The following ITGAL variants were observed in gnomAD, a reference collection of about 807,000 sequenced individuals.
ITGAL encodes integrin alpha-L.
A neutral mutation model predicts 138.4 loss-of-function variants in ITGAL; 68 were observed. That is an observed-to-expected ratio of 0.49 (90% CI 0.40 to 0.60). The LOEUF is 0.60. ITGAL is among the 20% of genes least tolerant of loss of function. The pLI is 0.00. For missense variants in ITGAL, 1,256 were observed against 1,478.6 expected, an observed-to-expected ratio of 0.85 and a Z score of 2.47; for synonymous variants, 561 against 584.3, an observed-to-expected ratio of 0.96 and a Z score of 0.57.
At chr16:30,486,473 A>C (rs945974260) in intron 9 of ITGAL, among the ~76,000 whole-genome samples, 2 of 152,066 alleles carry the variant, frequency 1.3e-5, no homozygotes, top group African/African-American at 4.8e-5. Flanking sequence ...GCCATGTCTA[A>C]ATAATTAATA....
intron 21 of ITGAL, among the ~76,000 whole-genome samples, chr16:30,509,997 C>T (rs1057277900): frequency 9.2e-5 from 14 of 151,640 alleles, no homozygotes; most frequent in Admixed American, 8.5e-4. Context: ...CGAGATCGCA[C>T]CATTGCACTC....
chr16:30,491,313 A>C (rs1476421635), intron 11 of ITGAL, among the ~76,000 whole-genome samples: 13 of 151,802 alleles, frequency 8.6e-5, no homozygotes, highest in Non-Finnish European at 1.3e-4. Flanking sequence ...AGGTAGGAGA[A>C]TCTCTTGAAC....
Position 30,499,388 on chromosome 16 carries a change from A to C in ITGAL, c.2044A>C (p.Thr682Pro). 6.2e-7 allele frequency: 1 copy of C among 1,614,024 alleles called. No homozygotes were observed. Among genetic ancestry groups the C allele is most frequent in the Non-Finnish European group, 8.5e-7 (1 of 1,180,002 alleles). ...CACTCTGCAGCTGGATGGCCACCGGACCAGAAGACGGGGGTTGTTCCCAGG... is the reference window on the plus strand; with the variant it reads ...CACTCTGCAGCTGGATGGCCACCGGCCCAGAAGACGGGGGTTGTTCCCAGG... ...TYTLQLDGHR[T>P]RRRGLFPGGR... The change falls in exon 17 of 31, where the codon ACC becomes CCC. Residue 682 changes from threonine to proline, a missense_variant. Around this residue, in one of 3 missense-constraint regions of ITGAL, gnomAD observed 867 missense variants for 972.5 expected, o/e 0.89. Transcript: ENST00000356798.
chr16:30,476,987 C>T (rs1249810328), intron 4 of ITGAL, among the ~76,000 whole-genome samples: 3 of 152,116 alleles, frequency 2.0e-5, no homozygotes, highest in Admixed American at 2.0e-4. Flanking sequence ...GATCAGTGTA[C>T]ACATTTCACA....
At chr16:30,492,921 T>A (rs2050744977) in intron 11 of ITGAL, among the ~76,000 whole-genome samples, 1 of 152,122 alleles carries the variant, frequency 6.6e-6, no homozygotes, top group African/African-American at 2.4e-5. Flanking sequence ...TCTCACTCTG[T>A]CACCCAGGCT....
chr16:30,503,513 A>AAGGAAGGAAGGACAACGG (rs2050937370), intron 17 of ITGAL, among the ~76,000 whole-genome samples: 2 of 139,982 alleles, frequency 1.4e-5, no homozygotes, highest in African/African-American at 5.2e-5. Flanking sequence ...GAAAGGAGGG[A>AAGGAAGGAAGGACAACGG]AGGAAGGAAG....
In ITGAL at chr16:30,476,456, T is replaced by C. The variant is rs183353731; in HGVS notation, c.327+876T>C. On this transcript the variant is annotated intron_variant, in intron 4 of 30. Coordinates refer to ENST00000356798, the MANE Select transcript of ITGAL (RefSeq NM_002209.3). Reference sequence around the variant, plus strand: ...TTTTCATGGTTATAAATTTAATGGCTTATTAGAAAAAAATATATGACAAGC... The same window carrying C: ...TTTTCATGGTTATAAATTTAATGGCCTATTAGAAAAAAATATATGACAAGC... Among the ~76,000 whole-genome samples the C allele has an allele frequency of 8.5e-5, 13 of 152,266 alleles. No individual in the cohort carries two copies. In the East Asian group the frequency reaches 2.5e-3, roughly 29 times the overall value.
At chr16:30,506,395 T>C (rs914553371) in intron 20 of ITGAL, among the ~76,000 whole-genome samples, 1 of 101,260 alleles carries the variant, frequency 9.9e-6, no homozygotes, top group Non-Finnish European at 2.1e-5. Context: ...CTACTTAAAA[T>C]ACAAAAAAAA....
In ITGAL at chr16:30,484,207, T is replaced by C. The variant is rs1478088542; in HGVS notation, c.950T>C (p.Phe317Ser). ...ASEFVKILDT[F>S]EKLKDLFTEL... ...GAGTTTGTGAAAATTCTGGACACAT[T>C]TGAGAAGCTGAAAGATCTATTCACT... Residue 317 changes from phenylalanine (F) to serine (S), a missense_variant, in exon 9 of 31, where the codon TTT becomes TCT. This residue lies in a region of ITGAL where 177 missense variants were observed against 288.8 expected (regional missense o/e 0.61). Transcript: ENST00000356798. The C allele has an allele frequency of 1.2e-6, 2 of 1,613,916 alleles. No homozygotes were observed. The highest frequency in any genetic ancestry group is 2.7e-5 in the African/African-American group (2 of 74,890).
chr16:30,497,748 G>C (rs1006727006), intron 15 of ITGAL, among the ~76,000 whole-genome samples: 1 of 151,446 alleles, frequency 6.6e-6, no homozygotes, highest in Non-Finnish European at 1.5e-5. Context: ...CAAAGTGCTA[G>C]GATTACAGAG....
intron 2 of ITGAL, chr16:30,474,506 G>A (rs572596633): frequency 1.1e-5 from 6 of 570,680 alleles, no homozygotes; most frequent in South Asian, 8.0e-5. Flanking sequence ...GGAGGCCATG[G>A]AAGTGCAGAA....
At chr16:30,511,239 T>A in intron 24 of ITGAL, 103 bp downstream of exon 24, 1 of 868,634 alleles carries the variant, frequency 1.2e-6, no homozygotes, top group Non-Finnish European at 2.0e-6. Context: ...ACCTCCTTCC[T>A]TTCTTAGAGC....
chr16:30,515,265 C>G (rs1394179254), intron 25 of ITGAL, among the ~76,000 whole-genome samples: 2 of 152,230 alleles, frequency 1.3e-5, no homozygotes, highest in African/African-American at 2.4e-5. Context: ...CTTCCTCCTG[C>G]TTTGTCCCAC....
intron 25 of ITGAL, among the ~76,000 whole-genome samples, chr16:30,516,158 T>C (rs1417480020): frequency 1.3e-5 from 2 of 152,192 alleles, no homozygotes; most frequent in African/African-American, 4.8e-5. Flanking sequence ...CACTTCTGTG[T>C]CACTTTCTTA....
chr16:30,494,985 T>A lies in ITGAL; in HGVS notation c.1503+135T>A. ...AGAACGACAGAGAGGCAATAGCAAA[T>A]CCTCACTGGGGAAAGACTGTATGCA... On this transcript the variant is annotated intron_variant, in intron 13 of 30. Coordinates refer to ENST00000356798, the MANE Select transcript of ITGAL (RefSeq NM_002209.3). This position sits in a 1 kb window ranked among gnomAD's most constrained non-coding sequence, Gnocchi z 4.2. The A allele has an allele frequency of 1.1e-6, 1 of 892,176 alleles. No individual in the cohort carries two copies. The highest frequency in any genetic ancestry group is 2.0e-5 in the South Asian group (1 of 50,528). The allele number at this position is 892,176 out of a possible 1,614,324, so 55.3% of individuals were successfully genotyped here.
intron 9 of ITGAL, among the ~76,000 whole-genome samples, chr16:30,485,694 T>G (rs1190118828): frequency 3.4e-5 from 4 of 117,544 alleles, no homozygotes; most frequent in African/African-American, 1.3e-4. Context: ...TTTTTTTTTT[T>G]TGTATTTTTT....
chr16:30,489,464 A>C, intron 11 of ITGAL, 78 bp downstream of exon 11: 1 of 1,465,448 alleles, frequency 6.8e-7, no homozygotes, highest in Non-Finnish European at 9.5e-7. Flanking sequence ...CCAAAACAAT[A>C]ATGAAAGCAG....
rs372117782 is a variant in ITGAL at position 30,505,238 on chromosome 16, G to C, written c.2236-6G>C. The C allele has an allele frequency of 8.8e-6, 14 of 1,591,870 alleles. No homozygotes were observed. The highest frequency in any genetic ancestry group is 5.4e-5 in the African/African-American group (4 of 74,360). ...CTCTCCATCCTGCCCACTACCCCTC[G>C]CTCAGCAGGGCAAGGACATACCGCC... is the stretch of plus-strand genomic sequence containing the variant. On this transcript the variant is annotated splice_region_variant and splice_polypyrimidine_tract_variant and intron_variant, in intron 18 of 30. Transcript: ENST00000356798.
At chr16:30,519,533 G>C (rs2051220173) in intron 29 of ITGAL, among the ~76,000 whole-genome samples, 1 of 152,214 alleles carries the variant, frequency 6.6e-6, no homozygotes, top group African/African-American at 2.4e-5. Flanking sequence ...AGAGCAGGAA[G>C]TTCAGTGTGG....
Sources: gnomAD v4.1 joint callset for allele counts (sites outside exome capture counted in the v4.1 genomes callset) on GRCh38, gnomAD v4.1.1 for gene constraint, gnomAD v4.1.1 regional missense constraint, Gnocchi (gnomAD v3.1) non-coding constraint, MANE v1.5 for transcripts, NCBI Gene and HGNC (gene_info 2026-07-23, HGNC 2026-07-21) for gene names.